Variants in NDFIP2 observed in about 807,000 individuals in gnomAD.
NDFIP2 encodes NEDD4 family-interacting protein 2.
NDFIP2 carries 19 observed loss-of-function variants against 36.0 expected under a neutral mutation model. The observed-to-expected ratio is 0.53, with a 90% CI of 0.37 to 0.77. The LOEUF is 0.77. NDFIP2 is among the 30% of genes least tolerant of loss of function. The pLI, the probability that NDFIP2 is intolerant of heterozygous loss-of-function variation, is 0.00. For missense variants in NDFIP2, 446 were observed against 435.8 expected (o/e 1.02, Z -0.21); for synonymous variants, 181 against 167.7 (o/e 1.08, Z -0.61).
chr13:79,533,550 G>A, intron 3 of NDFIP2, 94 bp downstream of exon 3: 1 of 1,196,272 alleles, frequency 8.4e-7, no homozygotes, highest in Non-Finnish European at 1.1e-6. Context: ...GTGTGTAAGT[G>A]TGTATGTAGA....
chr13:79,516,621 A>C (rs1433453467), intron 1 of NDFIP2, among the ~76,000 whole-genome samples: 1 of 152,170 alleles, frequency 6.6e-6, no homozygotes, highest in East Asian at 1.9e-4. Context: ...ATACATATTC[A>C]TTGGTTTTTT....
intron 1 of NDFIP2, among the ~76,000 whole-genome samples, chr13:79,496,542 C>T (rs573214818): frequency 1.3e-5 from 2 of 151,610 alleles, no homozygotes; most frequent in African/African-American, 4.8e-5. Flanking sequence ...AAATTTGTTC[C>T]GTTTGGGCTT....
chr13:79,493,658 C>T (rs575365862), intron 1 of NDFIP2, among the ~76,000 whole-genome samples: 1 of 152,180 alleles, frequency 6.6e-6, no homozygotes, highest in East Asian at 1.9e-4. Context: ...TTACCGTAAA[C>T]GTAGCAACAG....
At chr13:79,499,411 G>T (rs1353904854) in intron 1 of NDFIP2, among the ~76,000 whole-genome samples, 1 of 151,950 alleles carries the variant, frequency 6.6e-6, no homozygotes, top group Non-Finnish European at 1.5e-5. Context: ...AAAAGTTATA[G>T]ATTGGGAAGG....
At chr13:79,539,233 T>C (rs1875367002) in intron 3 of NDFIP2, among the ~76,000 whole-genome samples, 1 of 152,208 alleles carries the variant, frequency 6.6e-6, no homozygotes, top group Non-Finnish European at 1.5e-5. Flanking sequence ...TGTATACATA[T>C]ATATATATGT....
chr13:79,492,252 CT>C (rs780442571), intron 1 of NDFIP2, among the ~76,000 whole-genome samples: 3,005 of 133,866 alleles, frequency 0.022, 58 homozygotes, highest in African/African-American at 0.065. Context: ...GTAGTGACAC[CT>C]TTTTTTTTTT....
intron 2 of NDFIP2, among the ~76,000 whole-genome samples, chr13:79,523,323 C>T (rs746992645): frequency 1.3e-5 from 2 of 152,092 alleles, no homozygotes; most frequent in Admixed American, 1.3e-4. Context: ...TGGGTTCAAG[C>T]GATTCTCCTG....
chr13:79,551,021 G>A lies in NDFIP2; in HGVS notation c.912G>A (p.Leu304=). The change falls in exon 7 of 8, where the codon CTG becomes CTA. Residue 304 remains leucine, a synonymous_variant. Transcript: ENST00000218652. ...ATATTATTTCAACCTTCTCAGGCCT[G>A]CTCCTTTTCTTCAGAGGATTTGTTA... ...WLWWIFLVLG[L]LLFFRGFVNY... is the part of the protein sequence containing the mutation. 4 of 1,591,168 alleles carry A rather than the reference G, an allele frequency of 2.5e-6. No homozygotes were observed. The highest frequency in any genetic ancestry group is 3.4e-6 in the Non-Finnish European group (4 of 1,166,902).
intron 1 of NDFIP2, among the ~76,000 whole-genome samples, chr13:79,506,487 A>C (rs933959433): frequency 6.6e-6 from 1 of 152,086 alleles, no homozygotes; most frequent in Non-Finnish European, 1.5e-5. Flanking sequence ...TGTTTTTTCC[A>C]GTTTCCTATT....
intron 5 of NDFIP2, among the ~76,000 whole-genome samples, chr13:79,544,023 T>G (rs954039381): frequency 6.6e-6 from 1 of 152,200 alleles, no homozygotes; most frequent in East Asian, 1.9e-4. Context: ...TTATGAGGTA[T>G]GGAAATAATG....
intron 5 of NDFIP2, among the ~76,000 whole-genome samples, chr13:79,546,741 A>G (rs1044129189): frequency 4.6e-5 from 7 of 152,218 alleles, no homozygotes; most frequent in Non-Finnish European, 7.4e-5. Context: ...TTTTTGGTGA[A>G]GAATGACTGT....
chr13:79,486,034 C>T (rs1295656198), intron 1 of NDFIP2, among the ~76,000 whole-genome samples: 2 of 152,174 alleles, frequency 1.3e-5, no homozygotes, highest in South Asian at 2.1e-4. Flanking sequence ...CATGATATCA[C>T]AAGTGGAAAA....
intron 1 of NDFIP2, among the ~76,000 whole-genome samples, chr13:79,510,021 C>A (rs1242115363): frequency 6.6e-6 from 1 of 152,196 alleles, no homozygotes; most frequent in Non-Finnish European, 1.5e-5. Flanking sequence ...CACCGTCACA[C>A]CCAGAATCAA....
intron 2 of NDFIP2, among the ~76,000 whole-genome samples, chr13:79,525,744 CTT>C (rs1405923776): frequency 2.0e-4 from 30 of 152,290 alleles, no homozygotes; most frequent in African/African-American, 7.2e-4. Context: ...CAATTTAAAA[CTT>C]ATGAGTTGTT....
At position 79,504,136 on chromosome 13, in the gene NDFIP2, T is replaced by C. The variant is rs75471700; in HGVS notation, c.322-16674T>C. 4.1e-3 allele frequency among the ~76,000 whole-genome samples: 622 copies of C among 152,298 alleles called. 7 individuals are homozygous for C. Among genetic ancestry groups the C allele is most frequent in the African/African-American group, 0.014 (599 of 41,560 alleles). ...GGGAAAATTTTTAGATACTGAATTG[T>C]AAAGTTTTAAATTAATGTATTTGTT... On this transcript the variant is annotated intron_variant, in intron 1 of 7. Coordinates refer to ENST00000218652, the MANE Select transcript of NDFIP2 (RefSeq NM_019080.3).
intron 1 of NDFIP2, among the ~76,000 whole-genome samples, chr13:79,493,071 A>G (rs1873306057): frequency 2.0e-5 from 3 of 151,744 alleles, no homozygotes; most frequent in African/African-American, 7.3e-5. Context: ...CCCTTATTTC[A>G]TGGTGTGTAT....
chr13:79,535,884 A>G (rs753305824), intron 3 of NDFIP2, among the ~76,000 whole-genome samples: 19 of 152,216 alleles, frequency 1.2e-4, no homozygotes, highest in Non-Finnish European at 2.4e-4. Context: ...CATCATAAAT[A>G]TATACAGTTT....
chr13:79,492,074 A>G (rs1594840075), intron 1 of NDFIP2, among the ~76,000 whole-genome samples: 1 of 152,222 alleles, frequency 6.6e-6, no homozygotes, highest in Non-Finnish European at 1.5e-5. Flanking sequence ...AATTACTCAT[A>G]ACATTATGTA....
intron 2 of NDFIP2, among the ~76,000 whole-genome samples, chr13:79,524,716 G>A (rs1874723897): frequency 6.6e-6 from 1 of 152,188 alleles, no homozygotes; most frequent in African/African-American, 2.4e-5. Flanking sequence ...CCATAAACAA[G>A]ATAGCTGTCA....
Sources: gnomAD v4.1 joint callset for allele counts (sites outside exome capture counted in the v4.1 genomes callset) on GRCh38, gnomAD v4.1.1 for gene constraint, MANE v1.5 for transcripts, NCBI Gene and HGNC (gene_info 2026-07-23, HGNC 2026-07-21) for gene names.